The following INVS variants were observed in gnomAD, a reference collection of about 807,000 sequenced individuals.
The protein encoded by INVS is inversin.
A neutral mutation model predicts 108.8 loss-of-function variants in INVS; 86 were observed. The ratio of observed to expected loss-of-function variants is 0.79; its 90% CI spans 0.66 to 0.95. The LOEUF (loss-of-function observed/expected upper bound fraction) is 0.95. Ranked by LOEUF, INVS falls within the 40% of genes least tolerant of loss-of-function variation. The pLI is 0.00. For missense variants in INVS, 1,169 were observed against 1,297.4 expected (o/e 0.90, Z 1.52); for synonymous variants, 455 against 473.5 (o/e 0.96, Z 0.51).
At chr9:100,150,784 C>T (rs1828784691) in intron 3 of INVS, among the ~76,000 whole-genome samples, 2 of 152,072 alleles carry the variant, frequency 1.3e-5, no homozygotes, top group African/African-American at 4.8e-5. Context: ...CGACATTTTT[C>T]CTATGACCAA....
chr9:100,269,493 T>G (rs1372501326), intron 11 of INVS, among the ~76,000 whole-genome samples: 1 of 152,220 alleles, frequency 6.6e-6, no homozygotes, highest in African/African-American at 2.4e-5. Context: ...TGTCCTAAAA[T>G]AGAGGTTCCT....
At chr9:100,297,698 A>AAGAG (rs1833829681) in intron 15 of INVS, among the ~76,000 whole-genome samples, 2 of 152,244 alleles carry the variant, frequency 1.3e-5, no homozygotes, top group African/African-American at 4.8e-5. Context: ...TTGCTGGCTC[A>AAGAG]AGAGAAAAAA....
At chr9:100,117,492 G>T in intron 2 of INVS, 1 of 791,468 alleles carries the variant, frequency 1.3e-6, no homozygotes, top group Non-Finnish European at 2.2e-6. Context: ...CGAGCTCCAC[G>T]GCCTCAGCCC....
chr9:100,226,028 AT>A, intron 3 of INVS, 33 bp from the exon 4 acceptor site: 5 of 1,550,368 alleles, frequency 3.2e-6, no homozygotes, highest in East Asian at 2.3e-5. Context: ...CCCATAGTAC[AT>A]TTTTTTCTTA....
At chr9:100,177,072 G>A (rs1364116644) in intron 3 of INVS, among the ~76,000 whole-genome samples, 2 of 151,730 alleles carry the variant, frequency 1.3e-5, no homozygotes, top group Non-Finnish European at 2.9e-5. Flanking sequence ...ACTGTGCCAT[G>A]AGCAACGGTG....
At chr9:100,257,238 C>T (rs1234295671) in intron 10 of INVS, among the ~76,000 whole-genome samples, 1 of 151,996 alleles carries the variant, frequency 6.6e-6, no homozygotes, top group Non-Finnish European at 1.5e-5. Flanking sequence ...CAACCCCTGC[C>T]TTTTTTTGTT....
intron 15 of INVS, 30 bp downstream of exon 15, chr9:100,297,176 C>G: frequency 6.5e-7 from 1 of 1,538,864 alleles, no homozygotes; most frequent in African/African-American, 1.4e-5. Context: ...CTTTGTAGTT[C>G]ACAAGTACCC....
intron 3 of INVS, among the ~76,000 whole-genome samples, chr9:100,167,807 T>C (rs762923519): frequency 2.2e-4 from 33 of 152,196 alleles, no homozygotes; most frequent in Admixed American, 4.6e-4. Context: ...TCTAAAGTTA[T>C]AGCTTTAATA....
At chr9:100,181,277 G>T (rs1224383403) in intron 3 of INVS, among the ~76,000 whole-genome samples, 1 of 152,082 alleles carries the variant, frequency 6.6e-6, no homozygotes, top group Non-Finnish European at 1.5e-5. Context: ...AGGGCAATCA[G>T]GCAAAAGAAA....
At position 100,240,223 on chromosome 9, in the gene INVS, A is replaced by C. The variant is rs747189159; in HGVS notation, c.779A>C (p.His260Pro). 1.2e-6 allele frequency: 2 copies of C among 1,613,912 alleles called. No individual in the cohort carries two copies. Among genetic ancestry groups the C allele is most frequent in the Middle Eastern group, 1.7e-4 (1 of 6,058 alleles). Residue 260 changes from histidine (H) to proline (P), a missense_variant, in exon 6 of 17, where the codon CAC becomes CCC. Coordinates refer to ENST00000262457, the MANE Select transcript of INVS (RefSeq NM_014425.5). The stretch of plus-strand genomic sequence containing the variant: ...GATAACTTATTTCGAACCCCACTGC[A>C]CTGGGCAGCTTTATTAGGTACGTGA... ...SYDNLFRTPL[H>P]WAALLGHAQI... is the part of the protein sequence containing the mutation.
rs561326989 is a variant in INVS at position 100,165,977 on chromosome 9, T to C, written c.273+39428T>C. 2.5e-3 allele frequency among the ~76,000 whole-genome samples: 380 copies of C among 152,332 alleles called. 2 individuals are homozygous for C. The highest frequency in any genetic ancestry group is 3.5e-3 in the Non-Finnish European group (236 of 68,018). On this transcript the variant is annotated intron_variant, in intron 3 of 16. Transcript: ENST00000262457. ...GGTGATTGTTTCTAGGCTTTTATAG[T>C]GGACAGAGCTTGCGGATTTTTTTAA... is the stretch of plus-strand genomic sequence containing the variant.
chr9:100,219,622 C>T (rs1474225283), intron 3 of INVS, among the ~76,000 whole-genome samples: 2 of 152,078 alleles, frequency 1.3e-5, no homozygotes, highest in African/African-American at 4.8e-5. Flanking sequence ...TTCTTATGTA[C>T]TTACCAGGAG....
intron 3 of INVS, among the ~76,000 whole-genome samples, chr9:100,185,782 T>A (rs1830039775): frequency 6.6e-6 from 1 of 152,086 alleles, no homozygotes; most frequent in Non-Finnish European, 1.5e-5. Flanking sequence ...TAGCTTCCAC[T>A]TATAAGTGAG....
At chr9:100,166,444 G>A (rs1239873452) in intron 3 of INVS, among the ~76,000 whole-genome samples, 1 of 152,124 alleles carries the variant, frequency 6.6e-6, no homozygotes, top group East Asian at 1.9e-4. Context: ...GACCACTTGA[G>A]CCTGGGAGGT....
chr9:100,150,594 AT>A (rs1321709289), intron 3 of INVS, among the ~76,000 whole-genome samples: 1 of 152,156 alleles, frequency 6.6e-6, no homozygotes, highest in African/African-American at 2.4e-5. Flanking sequence ...TATAACATCA[AT>A]TCTAAAGAAA....
At chr9:100,176,105 A>G in intron 3 of INVS, 1 of 461,184 alleles carries the variant, frequency 2.2e-6, no homozygotes, top group South Asian at 1.7e-5. Flanking sequence ...CACTGGCTGA[A>G]TCCTTCCTCT....
intron 3 of INVS, among the ~76,000 whole-genome samples, chr9:100,224,051 A>G (rs1831229271): frequency 6.6e-6 from 1 of 151,206 alleles, no homozygotes; most frequent in South Asian, 2.1e-4. Flanking sequence ...AAAACAAAAC[A>G]AAAAAAAACA....
At chr9:100,195,522 T>A (rs1482959065) in intron 3 of INVS, among the ~76,000 whole-genome samples, 1 of 151,964 alleles carries the variant, frequency 6.6e-6, no homozygotes, top group Non-Finnish European at 1.5e-5. Context: ...GAGTCTCGCT[T>A]TGTTGCTCAA....
At chr9:100,141,605 A>G (rs946728897) in intron 3 of INVS, among the ~76,000 whole-genome samples, 2 of 152,148 alleles carry the variant, frequency 1.3e-5, no homozygotes, top group Non-Finnish European at 2.9e-5. Flanking sequence ...GAAAGCGTCT[A>G]CCTAGACTAA....
Sources: allele counts gnomAD v4.1 joint callset (sites outside exome capture counted in the v4.1 genomes callset), GRCh38; gene constraint gnomAD v4.1.1; transcripts MANE v1.5; gene names NCBI Gene and HGNC (gene_info 2026-07-23, HGNC 2026-07-21).